Variants in ARHGAP24 observed in about 807,000 individuals in gnomAD.
The protein encoded by ARHGAP24 is rho GTPase-activating protein 24.
ARHGAP24 carries 50 observed loss-of-function variants against 76.4 expected under a neutral mutation model. The observed-to-expected ratio is 0.65, with a 90% CI of 0.52 to 0.83. The LOEUF is 0.83. ARHGAP24 is among the 40% of genes least tolerant of loss of function. The probability of loss-of-function intolerance (pLI) is 0.00; values close to 1 mark genes in which losing one functional copy is unlikely to be tolerated. For synonymous variants in ARHGAP24, 345 were observed against 323.3 expected, an observed-to-expected ratio of 1.07 and a Z score of -0.72; for missense variants, 930 against 914.2, an observed-to-expected ratio of 1.02 and a Z score of -0.22.
Position 85,994,914 on chromosome 4 carries a change from C to G in ARHGAP24, c.1260C>G (p.Val420=). Residue 420 remains valine, a synonymous_variant, in exon 9 of 10, where the codon GTC becomes GTG. Transcript: ENST00000395184. ...LDVSRSPPLM[V]KKNPAFNKGS... is the part of the protein sequence containing the mutation. ...TGTCTAGAAGCCCCCCTCTCATGGT[C>G]AAAAAGAACCCAGCCTTTAATAAGG... 6.2e-7 allele frequency: 1 copy of G among 1,614,018 alleles called. No individual in the cohort carries two copies. Among genetic ancestry groups the G allele is most frequent in the Admixed American group, 1.7e-5 (1 of 60,002 alleles).
intron 3 of ARHGAP24, among the ~76,000 whole-genome samples, chr4:85,769,409 C>A (rs1448733913): frequency 6.6e-6 from 1 of 152,106 alleles, no homozygotes; most frequent in East Asian, 1.9e-4. Flanking sequence ...AAAGAAGACA[C>A]ATTTATTGTG....
chr4:85,876,226 TA>T (rs764001220), intron 3 of ARHGAP24, among the ~76,000 whole-genome samples: 1 of 152,186 alleles, frequency 6.6e-6, no homozygotes, highest in Non-Finnish European at 1.5e-5. Context: ...ATGTTTCAAA[TA>T]AGCTTGTTAT....
rs185072219 is a variant in ARHGAP24 at position 85,849,572 on chromosome 4, T to C, written c.269-74076T>C. ...CAGTTTTTGCCCATTCAGTATGATA[T>C]TGGCTGTGAGTTTGTCATAAATAGC... On this transcript the variant is annotated intron_variant, in intron 3 of 9. Transcript: ENST00000395184. Among the ~76,000 whole-genome samples the C allele has an allele frequency of 3.3e-5, 5 of 152,334 alleles. No individual in the cohort carries two copies. In the East Asian group the frequency reaches 5.8e-4, roughly 18 times the overall value.
At chr4:85,543,256 T>C (rs1329535086) in intron 1 of ARHGAP24, among the ~76,000 whole-genome samples, 2 of 152,154 alleles carry the variant, frequency 1.3e-5, no homozygotes, top group Non-Finnish European at 2.9e-5. Flanking sequence ...ATTGAAAGTT[T>C]TGGATTATAT....
chr4:85,734,870 G>T (rs1725547885), intron 3 of ARHGAP24, among the ~76,000 whole-genome samples: 1 of 151,952 alleles, frequency 6.6e-6, no homozygotes, highest in African/African-American at 2.4e-5. Context: ...TATTATTTAA[G>T]TAGTTGGTTT....
chr4:85,768,725 T>C (rs11947596), intron 3 of ARHGAP24, among the ~76,000 whole-genome samples: 136,118 of 151,930 alleles, frequency 0.9, 62,905 homozygotes, highest in East Asian at 1. Flanking sequence ...TGCAGTGAGC[T>C]GAGATCGTGC....
At chr4:85,518,242 T>C (rs1724590637) in intron 1 of ARHGAP24, among the ~76,000 whole-genome samples, 3 of 152,136 alleles carry the variant, frequency 2.0e-5, no homozygotes, top group Admixed American at 1.3e-4. Context: ...AATTGGTGCT[T>C]AGAGGCAGAA....
intron 1 of ARHGAP24, among the ~76,000 whole-genome samples, chr4:85,553,031 G>C (rs2128096): frequency 0.86 from 130,642 of 151,994 alleles, 58,994 homozygotes; most frequent in Non-Finnish European, 0.98. Flanking sequence ...CATTCCTCCC[G>C]GTGGATTTGT....
At chr4:85,654,599 C>T (rs768550287) in intron 2 of ARHGAP24, among the ~76,000 whole-genome samples, 1 of 152,116 alleles carries the variant, frequency 6.6e-6, no homozygotes, top group African/African-American at 2.4e-5. Flanking sequence ...TTCTTATACA[C>T]ATACTTCTAA....
intron 3 of ARHGAP24, among the ~76,000 whole-genome samples, chr4:85,749,992 A>G (rs1163972764): frequency 6.6e-6 from 1 of 151,986 alleles, no homozygotes; most frequent in Non-Finnish European, 1.5e-5. Context: ...TCTCTCAGTC[A>G]TGCATCCATC....
intron 1 of ARHGAP24, among the ~76,000 whole-genome samples, chr4:85,513,351 C>T (rs1336205978): frequency 6.6e-6 from 1 of 152,190 alleles, no homozygotes; most frequent in East Asian, 1.9e-4. Flanking sequence ...CTTTTGCTGC[C>T]ATGTTTGTCC....
Position 85,831,827 on chromosome 4 carries a change from C to T in ARHGAP24, c.269-91821C>T, listed in dbSNP as rs377551862. ...TGAGGTGTGATAATCACCTGAGTCC[C>T]GGAAGTCAAGGCTGCAGTGAGCTGA... On this transcript the variant is annotated intron_variant, in intron 3 of 9. Transcript: ENST00000395184. Among the ~76,000 whole-genome samples, 27 of 151,388 alleles carry T rather than the reference C, an allele frequency of 1.8e-4. No individual in the cohort carries two copies. In the East Asian group the frequency reaches 2.1e-3, roughly 12 times the overall value.
chr4:85,866,659 GCTCACCA>G (rs763671945), intron 3 of ARHGAP24, among the ~76,000 whole-genome samples: 5 of 152,092 alleles, frequency 3.3e-5, no homozygotes, highest in Non-Finnish European at 5.9e-5. Flanking sequence ...CTGAGGCACT[GCTCACCA>G]CTCATCCTGT....
chr4:85,577,236 A>T lies in ARHGAP24; in HGVS notation c.180+6515A>T, dbSNP rs570285614. Among the ~76,000 whole-genome samples the T allele has an allele frequency of 2.9e-4, 43 of 148,350 alleles. 1 individual carries two copies. The highest frequency in any genetic ancestry group is 1.2e-3 in the East Asian group (6 of 5,120). On this transcript the variant is annotated intron_variant, in intron 2 of 9. Coordinates refer to ENST00000395184, the MANE Select transcript of ARHGAP24 (RefSeq NM_001025616.3). ...TTTATAATATATATCATAGGAAAAA[A>T]AAATATATATATAATAGATCCCTCA...
At chr4:85,584,329 A>G (rs1158594815) in intron 2 of ARHGAP24, among the ~76,000 whole-genome samples, 1 of 152,012 alleles carries the variant, frequency 6.6e-6, no homozygotes, top group Non-Finnish European at 1.5e-5. Flanking sequence ...TTCTCAGTAA[A>G]CTATCACAAG....
At chr4:85,538,321 T>C (rs1022135834) in intron 1 of ARHGAP24, among the ~76,000 whole-genome samples, 10 of 152,206 alleles carry the variant, frequency 6.6e-5, no homozygotes, top group African/African-American at 2.4e-4. Flanking sequence ...GTATTTTGAG[T>C]ACACCGTAGT....
intron 1 of ARHGAP24, among the ~76,000 whole-genome samples, chr4:85,553,853 A>T (rs1726245787): frequency 6.6e-6 from 1 of 151,890 alleles, no homozygotes; most frequent in Non-Finnish European, 1.5e-5. Context: ...TGATCCTGTC[A>T]TGGTGTTGGT....
chr4:85,553,416 G>A (rs1358906591), intron 1 of ARHGAP24, among the ~76,000 whole-genome samples: 4 of 152,180 alleles, frequency 2.6e-5, no homozygotes, highest in African/African-American at 9.6e-5. Flanking sequence ...GTGCTGATTG[G>A]TCCGTTTTAC....
chr4:85,987,970 CAGA>C lies in ARHGAP24; in HGVS notation c.929-6609_929-6607del, dbSNP rs1233503338. Reference sequence around the variant, plus strand: ...TACAGAAGAACAAAGAGATATGTTGCAGAAGATTTCTTGTTAGAAATTATATAA... The same window carrying C: ...TACAGAAGAACAAAGAGATATGTTGCAGATTTCTTGTTAGAAATTATATAA... On this transcript the variant is annotated intron_variant, in intron 8 of 9. Coordinates refer to ENST00000395184, the MANE Select transcript of ARHGAP24 (RefSeq NM_001025616.3). 9.9e-5 allele frequency among the ~76,000 whole-genome samples: 15 copies of C among 151,940 alleles called. No homozygotes were observed. The South Asian group carries it at 2.7e-3, about 27-fold the overall frequency.
Sources: allele counts gnomAD v4.1 joint callset (sites outside exome capture counted in the v4.1 genomes callset), GRCh38; gene constraint gnomAD v4.1.1; transcripts MANE v1.5; gene names NCBI Gene and HGNC (gene_info 2026-07-23, HGNC 2026-07-21).